Variants in PARD3B observed in about 807,000 individuals in gnomAD.
PARD3B encodes partitioning defective 3 homolog B.
Under a neutral mutation model 130.2 loss-of-function variants are expected in PARD3B, and 103 were observed. The observed-to-expected ratio is 0.79, with a 90% confidence interval of 0.67 to 0.93. The LOEUF (loss-of-function observed/expected upper bound fraction) is 0.93, where lower values mean the gene tolerates loss of function less well. Ranked by LOEUF, PARD3B falls within the 40% of genes least tolerant of loss-of-function variation. PARD3B has a pLI of 0.00. For synonymous variants in PARD3B, 583 were observed against 553.2 expected, an observed-to-expected ratio of 1.05 and a Z score of -0.76; for missense variants, 1,609 against 1,499.2, an observed-to-expected ratio of 1.07 and a Z score of -1.21.
intron 2 of PARD3B, among the ~76,000 whole-genome samples, chr2:204,915,717 A>G (rs1167163658): frequency 1.3e-5 from 2 of 152,198 alleles, no homozygotes; most frequent in African/African-American, 4.8e-5. Flanking sequence ...GGCTTCCACA[A>G]AACTCCATCT....
intron 20 of PARD3B, among the ~76,000 whole-genome samples, chr2:205,454,980 T>A (rs1039640562): frequency 6.6e-6 from 1 of 152,132 alleles, no homozygotes; most frequent in Non-Finnish European, 1.5e-5. Flanking sequence ...TGATATTATA[T>A]ACAACATTTA....
intron 18 of PARD3B, among the ~76,000 whole-genome samples, chr2:205,338,602 A>T (rs957801448): frequency 6.6e-6 from 1 of 152,242 alleles, no homozygotes; most frequent in Non-Finnish European, 1.5e-5. Context: ...CAATGCTATC[A>T]TGTAGCTAAT....
chr2:205,411,485 G>A (rs903135236), intron 19 of PARD3B, among the ~76,000 whole-genome samples: 1 of 152,252 alleles, frequency 6.6e-6, no homozygotes, highest in Admixed American at 6.5e-5. Context: ...TGTTAAATGA[G>A]AAACCTGTCT....
intron 20 of PARD3B, among the ~76,000 whole-genome samples, chr2:205,444,469 A>G (rs6435285): frequency 0.25 from 38,533 of 152,142 alleles, 8,463 homozygotes; most frequent in African/African-American, 0.6. Flanking sequence ...CAAAAAAGAA[A>G]GGTTCTGAAG....
chr2:205,238,881 T>G (rs2039208542), intron 15 of PARD3B, among the ~76,000 whole-genome samples: 1 of 65,182 alleles, frequency 1.5e-5, no homozygotes. Flanking sequence ...TATATATGTA[T>G]GTGTGTATAT....
Position 205,507,110 on chromosome 2 carries a change from C to T in PARD3B, c.3180+7079C>T, listed in dbSNP as rs569041267. On this transcript the variant is annotated intron_variant, in intron 21 of 22. Coordinates refer to ENST00000406610, the MANE Select transcript of PARD3B (RefSeq NM_001302769.2). ...CAGGAAACATCCTGGAGTGGATGTT[C>T]AGCACAATTCTCAGTAGCGCTGATT... Among the ~76,000 whole-genome samples, 504 of 146,220 alleles carry T rather than the reference C, an allele frequency of 3.4e-3. 3 individuals carry two copies. The highest frequency in any genetic ancestry group is 8.0e-3 in the Admixed American group (116 of 14,464).
chr2:204,998,399 T>TAAAGAATTAG (rs1559341725), intron 3 of PARD3B, among the ~76,000 whole-genome samples: 1 of 73,434 alleles, frequency 1.4e-5, no homozygotes, highest in Non-Finnish European at 2.8e-5. Flanking sequence ...TATATATGTA[T>TAAAGAATTAG]ATATGTGTAT....
chr2:205,109,131 C>T (rs1383322171), intron 5 of PARD3B, among the ~76,000 whole-genome samples: 1 of 152,188 alleles, frequency 6.6e-6, no homozygotes, highest in East Asian at 1.9e-4. Context: ...TTGTTGAATT[C>T]AAGTGAAGTA....
At position 205,124,311 on chromosome 2, in the gene PARD3B, T is replaced by A. The variant is rs745654226; in HGVS notation, c.1166-16T>A. The A allele has an allele frequency of 6.0e-6, 9 of 1,502,410 alleles. No individual in the cohort carries two copies. In the South Asian group the frequency reaches 1.3e-4, roughly 22 times the overall value. The allele number at this position is 1,502,410 out of a possible 1,614,324, so 93.1% of individuals were successfully genotyped here. ...TGCTTAAGATGACTATACATTTTCCTGTTCTTATACACTAGGCCCTGAAGG... is the reference window on the plus strand; with the variant it reads ...TGCTTAAGATGACTATACATTTTCCAGTTCTTATACACTAGGCCCTGAAGG... On this transcript the variant is annotated splice_polypyrimidine_tract_variant and intron_variant, in intron 8 of 22. Transcript: ENST00000406610.
At chr2:204,923,456 G>A (rs1263606339) in intron 2 of PARD3B, among the ~76,000 whole-genome samples, 2 of 151,680 alleles carry the variant, frequency 1.3e-5, no homozygotes, top group African/African-American at 2.4e-5. Context: ...TTTTTAATTA[G>A]ATTTTAACTT....
At position 204,672,404 on chromosome 2, in the gene PARD3B, C is replaced by A. The variant is rs562197838; in HGVS notation, c.121-13777C>A. On this transcript the variant is annotated intron_variant, in intron 1 of 22. Transcript: ENST00000406610. ...TAGCTAAGGCACTGGACATGAAGGGCAGATGGCCAGTGTATCCAGAAATTC... is the reference window on the plus strand; with the variant it reads ...TAGCTAAGGCACTGGACATGAAGGGAAGATGGCCAGTGTATCCAGAAATTC... Among the ~76,000 whole-genome samples the A allele has an allele frequency of 3.3e-4, 51 of 152,270 alleles. No individual in the cohort carries two copies. In the South Asian group the frequency reaches 3.7e-3, roughly 11 times the overall value.
At chr2:204,711,905 A>G (rs1041465501) in intron 2 of PARD3B, among the ~76,000 whole-genome samples, 2 of 152,142 alleles carry the variant, frequency 1.3e-5, no homozygotes, top group African/African-American at 2.4e-5. Context: ...AGGTGAAGTA[A>G]CTTCCATGTT....
chr2:204,888,611 G>A (rs1220812434), intron 2 of PARD3B, among the ~76,000 whole-genome samples: 1 of 151,572 alleles, frequency 6.6e-6, no homozygotes, highest in Admixed American at 6.6e-5. Flanking sequence ...TGCTTCTGTA[G>A]TTCCAGCTAC....
At chr2:204,730,363 C>A (rs1241479971) in intron 2 of PARD3B, among the ~76,000 whole-genome samples, 1 of 152,080 alleles carries the variant, frequency 6.6e-6, no homozygotes, top group Non-Finnish European at 1.5e-5. Context: ...GCCACCTTGC[C>A]CAGCCTTACA....
intron 13 of PARD3B, among the ~76,000 whole-genome samples, chr2:205,179,373 G>A (rs538964883): frequency 1.6e-4 from 25 of 152,206 alleles, no homozygotes; most frequent in African/African-American, 5.5e-4. Context: ...GTACAGTAGT[G>A]TTTTAGGCCT....
chr2:205,438,591 T>C (rs974502242), intron 19 of PARD3B, among the ~76,000 whole-genome samples: 9 of 152,222 alleles, frequency 5.9e-5, no homozygotes, highest in African/African-American at 2.2e-4. Flanking sequence ...CTGCACTGTC[T>C]CTGGAAAGAT....
chr2:204,793,414 A>G (rs1161453367), intron 2 of PARD3B, among the ~76,000 whole-genome samples: 3 of 152,208 alleles, frequency 2.0e-5, no homozygotes, highest in Non-Finnish European at 4.4e-5. Context: ...ATATGCTTGT[A>G]GGATTGTAAA....
At chr2:205,554,181 A>C (rs2052776658) in intron 22 of PARD3B, among the ~76,000 whole-genome samples, 1 of 152,208 alleles carries the variant, frequency 6.6e-6, no homozygotes, top group Non-Finnish European at 1.5e-5. Flanking sequence ...AAGTAAGGTT[A>C]ATGCCACGCA....
chr2:204,931,383 A>G (rs1017690249), intron 2 of PARD3B, among the ~76,000 whole-genome samples: 9 of 152,140 alleles, frequency 5.9e-5, no homozygotes, highest in Non-Finnish European at 8.8e-5. Flanking sequence ...AAAGTACTCA[A>G]TAAATGTTAG....
Sources: allele counts gnomAD v4.1 joint callset (sites outside exome capture counted in the v4.1 genomes callset), GRCh38; gene constraint gnomAD v4.1.1; transcripts MANE v1.5; gene names NCBI Gene and HGNC (gene_info 2026-07-23, HGNC 2026-07-21).